The following GCNT2 variants were observed in gnomAD, a reference collection of about 807,000 sequenced individuals.
The protein encoded by GCNT2 is N-acetyllactosaminide beta-1,6-N-acetylglucosaminyl-transferase.
A neutral mutation model predicts 34.2 loss-of-function variants in GCNT2; 34 were observed. That is an observed-to-expected ratio of 1.00 (90% confidence interval 0.76 to 1.32). The LOEUF is 1.32. Ranked by LOEUF, GCNT2 falls within the 40% of genes most tolerant of loss-of-function variation. GCNT2 has a pLI of 0.00. For synonymous variants in GCNT2, 212 were observed against 188.0 expected (o/e 1.13, Z -1.04); for missense variants, 584 against 489.4 (o/e 1.19, Z -1.82).
At chr6:10,567,657 G>A (rs1309304100) in intron 3 of GCNT2, among the ~76,000 whole-genome samples, 1 of 152,156 alleles carries the variant, frequency 6.6e-6, no homozygotes, top group Non-Finnish European at 1.5e-5. Flanking sequence ...GCCAGAGCCA[G>A]GGCACAAATT....
chr6:10,612,209 A>C lies in GCNT2; in HGVS notation c.926-9142A>C, dbSNP rs12663117. ...ACCATGTTGGCCAGGCTGGTCTTGA[A>C]CTCCTGACCTCAGGTAATCCACTCC... On this transcript the variant is annotated intron_variant, in intron 3 of 4. Transcript: ENST00000495262. Among the ~76,000 whole-genome samples the C allele has an allele frequency of 8.0e-4, 120 of 149,660 alleles. 1 individual carries two copies. In the East Asian group the frequency reaches 0.02, roughly 25 times the overall value.
rs115187202 is a variant in GCNT2, at chr6:10,524,886, G to A, written c.-468-2588G>A. On this transcript the variant is annotated intron_variant, in intron 1 of 4. Transcript: ENST00000495262. The stretch of plus-strand genomic sequence containing the variant: ...GAAAAGAAAAAGGACAAAATGTGTT[G>A]CCCTTCAGATTAAAAACCAGTTTAA... Among the ~76,000 whole-genome samples the A allele has an allele frequency of 5.9e-3, 883 of 150,522 alleles. 11 individuals carry two copies. The highest frequency in any genetic ancestry group is 0.02 in the African/African-American group (808 of 40,842).
chr6:10,601,939 T>TTA (rs1561830857), intron 3 of GCNT2, among the ~76,000 whole-genome samples: 9 of 76,350 alleles, frequency 1.2e-4, no homozygotes, highest in African/African-American at 6.9e-4. Context: ...AGACTCCATC[T>TTA]CAAGAAAAAA....
chr6:10,614,305 CAAATTG>C (rs111585117), intron 3 of GCNT2, among the ~76,000 whole-genome samples: 86 of 152,124 alleles, frequency 5.7e-4, no homozygotes, highest in African/African-American at 1.9e-3. Context: ...TATTGAAGGG[CAAATTG>C]AAATGGGTTG....
intron 3 of GCNT2, among the ~76,000 whole-genome samples, chr6:10,617,116 C>T (rs898033566): frequency 2.0e-5 from 3 of 152,186 alleles, no homozygotes; most frequent in Non-Finnish European, 4.4e-5. Flanking sequence ...GGGAGGGGTG[C>T]TCGTTGGGGA....
chr6:10,621,100 A>C (rs922546532), intron 3 of GCNT2, among the ~76,000 whole-genome samples: 3 of 152,208 alleles, frequency 2.0e-5, no homozygotes, highest in African/African-American at 4.8e-5. Context: ...GAATTGTATT[A>C]GTATATTGAT....
At chr6:10,560,313 A>G (rs1406215694) in intron 3 of GCNT2, among the ~76,000 whole-genome samples, 17 of 152,008 alleles carry the variant, frequency 1.1e-4, no homozygotes, top group African/African-American at 4.1e-4. Flanking sequence ...GTAGTCTCGA[A>G]TTCCTGAGCT....
intron 4 of GCNT2, among the ~76,000 whole-genome samples, chr6:10,625,030 C>A (rs9467003): frequency 0.016 from 2,378 of 152,228 alleles, 49 homozygotes; most frequent in African/African-American, 0.053. Flanking sequence ...TTGGTTCTCG[C>A]CGCCTGGTCA....
intron 3 of GCNT2, among the ~76,000 whole-genome samples, chr6:10,540,069 C>T (rs966564003): frequency 8.9e-5 from 13 of 146,504 alleles, no homozygotes; most frequent in African/African-American, 3.2e-4. Flanking sequence ...CAGAGTGAGA[C>T]CCCATCTCAA....
intron 3 of GCNT2, chr6:10,586,739 GA>G: frequency 6.2e-7 from 1 of 1,613,948 alleles, no homozygotes; most frequent in Non-Finnish European, 8.5e-7. Flanking sequence ...CTAATATTTT[GA>G]AAACTTCACC....
chr6:10,565,293 A>C (rs997216053), intron 3 of GCNT2, among the ~76,000 whole-genome samples: 2 of 152,222 alleles, frequency 1.3e-5, no homozygotes, highest in African/African-American at 4.8e-5. Context: ...AGTGCTGGGC[A>C]CAGAATAAAC....
intron 1 of GCNT2, among the ~76,000 whole-genome samples, chr6:10,524,355 G>A (rs1040313827): frequency 1.3e-5 from 2 of 151,218 alleles, no homozygotes; most frequent in Admixed American, 6.6e-5. Context: ...GGGTTCAAGC[G>A]ATTCTCCTGC....
At chr6:10,563,768 AAAAAAAAAAATATATATAT>A (rs1410058502) in intron 3 of GCNT2, among the ~76,000 whole-genome samples, 42 of 74,698 alleles carry the variant, frequency 5.6e-4, no homozygotes, top group African/African-American at 2.5e-3. Context: ...AAAAAAAAAA[AAAAAAAAAAATATATATAT>A]ATATATATAT....
At chr6:10,551,084 G>T (rs970047662) in intron 3 of GCNT2, among the ~76,000 whole-genome samples, 11 of 152,050 alleles carry the variant, frequency 7.2e-5, no homozygotes, top group Non-Finnish European at 1.6e-4. Flanking sequence ...CCTATTTTTG[G>T]CAACTTAGTT....
Position 10,626,677 on chromosome 6 carries a change from C to G in GCNT2, c.*70C>G, listed in dbSNP as rs546488557. The G allele has an allele frequency of 8.5e-7, 1 of 1,177,522 alleles. No individual in the cohort carries two copies. The highest frequency in any genetic ancestry group is 2.3e-5 in the East Asian group (1 of 42,694). 72.9% of individuals were successfully genotyped at this position (1,177,522 alleles called of 1,614,324 possible). A position where few individuals can be genotyped will look rare whatever the true frequency, so the allele number is the denominator to read the frequency against. On this transcript the variant is annotated 3_prime_UTR_variant, in exon 5 of 5. Transcript: ENST00000495262. ...AAGAGGAGCCTGTTTTTGTGAGAGA[C>G]TTTTGCCTTCGTAATGTTAACCGTT...
At chr6:10,613,066 A>C (rs1046880091) in intron 3 of GCNT2, among the ~76,000 whole-genome samples, 1 of 152,212 alleles carries the variant, frequency 6.6e-6, no homozygotes, top group Non-Finnish European at 1.5e-5. Context: ...TTTCTTAAGA[A>C]ATTAAAAAGT....
intron 3 of GCNT2, among the ~76,000 whole-genome samples, chr6:10,541,619 A>AG (rs1369695889): frequency 6.6e-6 from 1 of 152,136 alleles, no homozygotes; most frequent in Non-Finnish European, 1.5e-5. Flanking sequence ...TTTGGCCCTG[A>AG]GAGGCTGTGA....
At position 10,569,235 on chromosome 6, in the gene GCNT2, C is replaced by CCACACA. The variant is rs373362957; in HGVS notation, c.925+39433_925+39438dup. ...CACCCCCTGCCACCCACTCCCCCCG[C>CCACACA]CACACACACACACACACACACACAC... is the stretch of plus-strand genomic sequence containing the variant. On this transcript the variant is annotated intron_variant, in intron 3 of 4. Coordinates refer to ENST00000495262, the MANE Select transcript of GCNT2 (RefSeq NM_145649.5). Among the ~76,000 whole-genome samples, 184 of 47,510 alleles carry CCACACA rather than the reference C, an allele frequency of 3.9e-3. 5 individuals carry two copies. The highest frequency in any genetic ancestry group is 0.011 in the East Asian group (14 of 1,244). 31.2% of individuals were successfully genotyped at this position (47,510 alleles called of 152,430 possible). A position where few individuals can be genotyped will look rare whatever the true frequency, so the allele number is the denominator to read the frequency against.
intron 3 of GCNT2, among the ~76,000 whole-genome samples, chr6:10,588,899 TGTGTG>T (rs1382583075): frequency 6.1e-5 from 7 of 114,510 alleles, no homozygotes; most frequent in Middle Eastern, 5.4e-3. Context: ...GCGTGTGTGT[TGTGTG>T]GTGTGTGTGT....
Sources: allele counts gnomAD v4.1 joint callset (sites outside exome capture counted in the v4.1 genomes callset), GRCh38; gene constraint gnomAD v4.1.1; transcripts MANE v1.5; gene names NCBI Gene and HGNC (gene_info 2026-07-23, HGNC 2026-07-21).